Variants in SDSL observed in about 807,000 individuals in gnomAD.
SDSL encodes the protein serine dehydratase like.
A neutral mutation model predicts 27.6 loss-of-function variants in SDSL; 26 were observed. That is an observed-to-expected ratio of 0.94 (90% CI 0.69 to 1.31). SDSL has a LOEUF of 1.31. Ranked by LOEUF, SDSL falls within the 50% of genes most tolerant of loss-of-function variation. The pLI is 0.00. For missense variants in SDSL, 431 were observed against 423.5 expected (o/e 1.02, Z -0.16); for synonymous variants, 196 against 180.6 (o/e 1.09, Z -0.69).
At chr12:113,424,590 C>T (rs1466635418) in intron 1 of SDSL, among the ~76,000 whole-genome samples, 2 of 152,146 alleles carry the variant, frequency 1.3e-5, no homozygotes, top group Non-Finnish European at 2.9e-5. Flanking sequence ...CTTGTAGGTG[C>T]CCTGTAAACA....
At position 113,435,406 on chromosome 12, in the gene SDSL, G is replaced by C; in HGVS notation, c.521G>C (p.Gly174Ala). Residue 174 changes from glycine (G) to alanine (A), a missense_variant, in exon 6 of 8, where the codon GGG (glycine) becomes GCG (alanine). Gly to Ala is a moderately conservative substitution (Grantham distance 60, BLOSUM62 0). Transcript: ENST00000403593. ...TPPGALVLAV[G>A]GGGLLAGVVA... ...CCAGGTGCCCTGGTGCTGGCAGTTG[G>C]GGGTGGGGGTCTCCTGGCCGGGGTG... 4 of 1,612,176 alleles carry C rather than the reference G, an allele frequency of 2.5e-6. No individual in the cohort carries two copies. The highest frequency in any genetic ancestry group is 2.5e-6 in the Non-Finnish European group (3 of 1,179,232).
At chr12:113,428,505 G>A (rs1264743988) in intron 3 of SDSL, 46 bp downstream of exon 3, 2 of 1,569,860 alleles carry the variant, frequency 1.3e-6, no homozygotes, top group Admixed American at 1.8e-5. Flanking sequence ...TGGGGGAGGA[G>A]GAATAGGCTG....
intron 5 of SDSL, among the ~76,000 whole-genome samples, 188 bp from the exon 6 acceptor site, chr12:113,435,141 G>T (rs1360636859): frequency 6.6e-6 from 1 of 152,108 alleles, no homozygotes; most frequent in East Asian, 1.9e-4. Flanking sequence ...GAGAATGAAT[G>T]AAGCTGAGTG....
At chr12:113,425,007 A>G (rs1245610146) in intron 1 of SDSL, among the ~76,000 whole-genome samples, 5 of 152,130 alleles carry the variant, frequency 3.3e-5, no homozygotes, top group African/African-American at 1.2e-4. Context: ...AAGTGCTGGG[A>G]TTATAGGCAT....
At position 113,438,050 on chromosome 12, in the gene SDSL, G is replaced by A; in HGVS notation, c.961G>A (p.Ala321Thr). The part of the protein sequence containing the change: ...GNNINSRELQ[A>T]LKTHLGQV Reference sequence around the variant, plus strand: ...CAACATCAACAGCCGAGAGCTGCAGGCTTTGAAAACCCACCTGGGCCAGGT... The same window carrying A: ...CAACATCAACAGCCGAGAGCTGCAGACTTTGAAAACCCACCTGGGCCAGGT... Residue 321 changes from alanine to threonine, a missense_variant, in exon 8 of 8, where the codon GCT (alanine) becomes ACT (threonine). Ala to Thr is a moderately conservative substitution (Grantham distance 58). Transcript: ENST00000403593. The A allele has an allele frequency of 1.9e-6, 3 of 1,614,026 alleles. No individual in the cohort carries two copies. Among genetic ancestry groups the A allele is most frequent in the African/African-American group, 1.3e-5 (1 of 75,034 alleles).
At chr12:113,429,042 T>C in intron 3 of SDSL, 118 bp from the exon 4 acceptor site, 2 of 1,203,162 alleles carry the variant, frequency 1.7e-6, no homozygotes, top group South Asian at 3.2e-5. Context: ...GAGGAAGGAG[T>C]CAATGGGGCA....
intron 1 of SDSL, among the ~76,000 whole-genome samples, chr12:113,424,544 C>T (rs554584912): frequency 2.0e-5 from 3 of 152,298 alleles, no homozygotes; most frequent in African/African-American, 7.2e-5. Flanking sequence ...ATCTTGTCCA[C>T]AGTGGTATCC....
At chr12:113,432,289 T>A (rs1044210784) in intron 4 of SDSL, among the ~76,000 whole-genome samples, 3 of 143,202 alleles carry the variant, frequency 2.1e-5, no homozygotes, top group African/African-American at 5.5e-5. Flanking sequence ...TCTTTCTTTC[T>A]TTCTCTCTCT....
rs770272883 is a variant in SDSL at position 113,435,379 on chromosome 12, C to A, written c.494C>A (p.Pro165Gln). 6.2e-7 allele frequency: 1 copy of A among 1,602,388 alleles called. No homozygotes were observed. Among genetic ancestry groups the A allele is most frequent in the Admixed American group, 1.7e-5 (1 of 58,000 alleles). The change falls in exon 6 of 8, where the codon CCA becomes CAA. Residue 165 changes from proline to glutamine, a missense_variant. Coordinates refer to ENST00000403593, the MANE Select transcript of SDSL (RefSeq NM_001304993.2). ...GAGCTGAAAGCAGTGCTGAGGACCC[C>A]ACCAGGTGCCCTGGTGCTGGCAGTT... Reference protein sequence around the residue: ...VQELKAVLRTPPGALVLAVGG... With the variant: ...VQELKAVLRTQPGALVLAVGG...
Position 113,434,196 on chromosome 12 carries a change from C to A in SDSL, c.417C>A (p.Val139=). The A allele has an allele frequency of 6.2e-7, 1 of 1,612,938 alleles. No homozygotes were observed. The highest frequency in any genetic ancestry group is 8.5e-7 in the Non-Finnish European group (1 of 1,179,272). ...CCAAGAGGGACGGCTGGGAGAATGT[C>A]CCCCCGTTTGACCACCCCCTAATAT... The part of the protein sequence containing the change: ...ELAKRDGWEN[V]PPFDHPLIWK... Residue 139 remains valine, a synonymous_variant, in exon 5 of 8, where the codon GTC becomes GTA. Coordinates refer to ENST00000403593, the MANE Select transcript of SDSL (RefSeq NM_001304993.2).
At chr12:113,427,876 G>A in intron 1 of SDSL, 86 bp from the exon 2 acceptor site, 2 of 1,276,398 alleles carry the variant, frequency 1.6e-6, no homozygotes, top group Non-Finnish European at 2.1e-6. Flanking sequence ...CTAAGCCAAG[G>A]GCTTTCTCCA....
At chr12:113,425,440 G>T (rs1368158154) in intron 1 of SDSL, among the ~76,000 whole-genome samples, 1 of 152,118 alleles carries the variant, frequency 6.6e-6, no homozygotes, top group East Asian at 1.9e-4. Context: ...TGATCTCTCT[G>T]ATCTTGGAAC....
rs761954854 is a variant in SDSL at position 113,438,037 on chromosome 12, C to G, written c.948C>G (p.Ser316Arg). The change falls in exon 8 of 8, where the codon AGC (serine) becomes AGG (arginine). Residue 316 changes from serine (S) to arginine (R), a missense_variant. Transcript: ENST00000403593. The stretch of plus-strand genomic sequence containing the variant: ...TGTGTGGAGGCAACAACATCAACAG[C>G]CGAGAGCTGCAGGCTTTGAAAACCC... ...VIVCGGNNIN[S>R]RELQALKTHL... 1.2e-6 allele frequency: 2 copies of G among 1,614,120 alleles called. No individual in the cohort carries two copies. Among genetic ancestry groups the G allele is most frequent in the South Asian group, 2.2e-5 (2 of 91,078 alleles).
At chr12:113,426,872 G>C (rs1957857034) in intron 1 of SDSL, among the ~76,000 whole-genome samples, 1 of 152,162 alleles carries the variant, frequency 6.6e-6, no homozygotes, top group South Asian at 2.1e-4. Flanking sequence ...CTGAGAGGTC[G>C]AGGCTGCAGA....
At chr12:113,425,680 A>C in intron 1 of SDSL, 1 of 455,444 alleles carries the variant, frequency 2.2e-6, no homozygotes, top group Non-Finnish European at 4.4e-6. Context: ...GTCCATTCAC[A>C]CACAGCTCCT....
Position 113,436,815 on chromosome 12 carries a change from A to G in SDSL, c.736A>G (p.Lys246Glu). 1 of 1,612,410 alleles carries G rather than the reference A, an allele frequency of 6.2e-7. No homozygotes were observed. Among genetic ancestry groups the G allele is most frequent in the Non-Finnish European group, 8.5e-7 (1 of 1,179,730 alleles). Reference sequence around the variant, plus strand: ...GGCCCTGGAGTGCATGCAGGTGTGCAAGATTCACTCTGAAGTGGTGGAGGA... The same window carrying G: ...GGCCCTGGAGTGCATGCAGGTGTGCGAGATTCACTCTGAAGTGGTGGAGGA... ...ARALECMQVC[K>E]IHSEVVEDTE... Residue 246 changes from lysine (K) to glutamate (E), a missense_variant, in exon 7 of 8, where the codon AAG becomes GAG. By Grantham distance (56) the Lys-to-Glu change is moderately conservative. Coordinates refer to ENST00000403593, the MANE Select transcript of SDSL (RefSeq NM_001304993.2).
chr12:113,429,947 A>G (rs1011689865), intron 4 of SDSL, among the ~76,000 whole-genome samples: 4 of 130,446 alleles, frequency 3.1e-5, no homozygotes, highest in Admixed American at 8.0e-5. Context: ...TCCTTCCTTC[A>G]TTATTTCCCT....
At chr12:113,431,217 G>T (rs1325613992) in intron 4 of SDSL, among the ~76,000 whole-genome samples, 3 of 152,218 alleles carry the variant, frequency 2.0e-5, no homozygotes, top group Admixed American at 2.0e-4. Flanking sequence ...AGGTGAGGCT[G>T]AAGAGGGGCA....
intron 6 of SDSL, 53 bp downstream of exon 6, chr12:113,435,609 T>C: frequency 6.8e-7 from 1 of 1,460,290 alleles, no homozygotes; most frequent in Non-Finnish European, 9.4e-7. Flanking sequence ...TGTGCCACTG[T>C]CCTAGGGCCT....
Sources: allele counts gnomAD v4.1 joint callset (sites outside exome capture counted in the v4.1 genomes callset), GRCh38; gene constraint gnomAD v4.1.1; transcripts MANE v1.5; gene names NCBI Gene and HGNC (gene_info 2026-07-23, HGNC 2026-07-21).